The following RHOH variants were observed in gnomAD, a reference collection of about 807,000 sequenced individuals.
RHOH encodes ras homolog family member H, also known as rho-related GTP-binding protein RhoH.
RHOH carries 6 observed loss-of-function variants against 13.8 expected under a neutral mutation model. The observed-to-expected ratio is 0.44, with a 90% CI of 0.24 to 0.86. The LOEUF (loss-of-function observed/expected upper bound fraction) is 0.86, where lower values mean the gene tolerates loss of function less well. RHOH is among the 40% of genes least tolerant of loss of function. The pLI is 0.24. For missense variants in RHOH, 147 were observed against 244.5 expected (o/e 0.60, Z 2.66); for synonymous variants, 117 against 103.0 (o/e 1.14, Z -0.82).
chr4:40,216,952 A>G (rs1003305656), intron 1 of RHOH, among the ~76,000 whole-genome samples: 8 of 152,256 alleles, frequency 5.3e-5, no homozygotes, highest in Non-Finnish European at 8.8e-5. Context: ...GTGGAATCCA[A>G]TGATATTATC....
intron 1 of RHOH, among the ~76,000 whole-genome samples, chr4:40,203,656 AC>A (rs1297456849): frequency 6.6e-6 from 1 of 152,170 alleles, no homozygotes; most frequent in Non-Finnish European, 1.5e-5. Context: ...GCCCAGAGGG[AC>A]AAGTTATTTA....
At chr4:40,223,767 GTTTT>G (rs56144023) in intron 1 of RHOH, among the ~76,000 whole-genome samples, 8 of 83,930 alleles carry the variant, frequency 9.5e-5, no homozygotes, top group South Asian at 4.0e-4. Context: ...AACATAACTT[GTTTT>G]TTTTTTTTTT....
intron 1 of RHOH, among the ~76,000 whole-genome samples, chr4:40,239,181 T>C (rs1333748183): frequency 6.6e-6 from 1 of 152,226 alleles, no homozygotes. Context: ...TGTTCCTACT[T>C]TGGCTTCAGT....
chr4:40,207,277 A>AAC (rs1394650259), intron 1 of RHOH, among the ~76,000 whole-genome samples: 1 of 152,210 alleles, frequency 6.6e-6, no homozygotes, highest in African/African-American at 2.4e-5. Flanking sequence ...AAGAAGCATA[A>AAC]ACATTGCTTC....
chr4:40,224,368 A>G (rs928779326), intron 1 of RHOH, among the ~76,000 whole-genome samples: 4 of 152,224 alleles, frequency 2.6e-5, no homozygotes, highest in Non-Finnish European at 4.4e-5. Flanking sequence ...ATTCTTGCAT[A>G]TCTTGACTAC....
rs1162650517 is a variant in RHOH, at chr4:40,243,217, C to T, written c.-170C>T. On this transcript the variant is annotated 5_prime_UTR_variant, in exon 3 of 3. Transcript: ENST00000381799. The surrounding 1 kb of genome is among the most constrained non-coding windows in gnomAD (Gnocchi z 6.2). ...TTGGAGGTTTTCAAAGCAGACGGTGCTTGGATGGGCAGGGAGAAGTAACAT... is the reference window on the plus strand; with the variant it reads ...TTGGAGGTTTTCAAAGCAGACGGTGTTTGGATGGGCAGGGAGAAGTAACAT... 1.9e-6 allele frequency: 1 copy of T among 534,478 alleles called. No homozygotes were observed. Among genetic ancestry groups the T allele is most frequent in the Admixed American group, 3.6e-5 (1 of 27,758 alleles). The allele number at this position is 534,478 out of a possible 1,614,324, so 33.1% of individuals were successfully genotyped here.
chr4:40,226,645 A>G (rs1727286317), intron 1 of RHOH, among the ~76,000 whole-genome samples: 1 of 152,218 alleles, frequency 6.6e-6, no homozygotes, highest in Non-Finnish European at 1.5e-5. Context: ...AACTAAAACT[A>G]AATCACCTCA....
chr4:40,230,248 A>T (rs1727754755), intron 1 of RHOH, among the ~76,000 whole-genome samples: 2 of 152,004 alleles, frequency 1.3e-5, no homozygotes, highest in Middle Eastern at 3.4e-3. Flanking sequence ...CATGTTGGCC[A>T]GGCTGGTCTA....
chr4:40,199,283 C>T (rs759884263), intron 1 of RHOH, among the ~76,000 whole-genome samples: 3 of 152,266 alleles, frequency 2.0e-5, no homozygotes, highest in South Asian at 2.1e-4. Context: ...AAGGACTTGG[C>T]TATTGCCACA....
chr4:40,200,705 A>G (rs1051481236), intron 1 of RHOH: 2 of 152,200 alleles, frequency 1.3e-5, no homozygotes, highest in Admixed American at 6.5e-5. Context: ...TGGGTCCAGG[A>G]TATGAGGATG....
intron 1 of RHOH, among the ~76,000 whole-genome samples, chr4:40,217,870 C>T (rs764222647): frequency 2.6e-5 from 4 of 152,168 alleles, no homozygotes; most frequent in African/African-American, 4.8e-5. Context: ...GTGTGCTACT[C>T]GAGTGGCGTC....
At chr4:40,210,141 G>T (rs1225202847) in intron 1 of RHOH, among the ~76,000 whole-genome samples, 2 of 147,040 alleles carry the variant, frequency 1.4e-5, no homozygotes, top group Admixed American at 1.4e-4. Flanking sequence ...TTTCTTTCCG[G>T]CTTGGTTTAA....
intron 1 of RHOH, among the ~76,000 whole-genome samples, chr4:40,231,823 A>G (rs545549048): frequency 1.2e-4 from 19 of 152,268 alleles, no homozygotes; most frequent in Non-Finnish European, 2.4e-4. Flanking sequence ...TGAGCTTCCT[A>G]CAGCCCAGCT....
Position 40,210,432 on chromosome 4 carries a change from G to T in RHOH, c.-331+13132G>T, listed in dbSNP as rs559621356. Among the ~76,000 whole-genome samples, 4 of 152,260 alleles carry T rather than the reference G, an allele frequency of 2.6e-5. No individual in the cohort carries two copies. In the East Asian group the frequency reaches 7.7e-4, roughly 29 times the overall value. On this transcript the variant is annotated intron_variant, in intron 1 of 2. Coordinates refer to ENST00000381799, the MANE Select transcript of RHOH (RefSeq NM_004310.5). Reference sequence around the variant, plus strand: ...TCTAGCCATGTACTCCATTCAAGACGCACGGGAAGGTTGGGGTGGAAAGGA... The same window carrying T: ...TCTAGCCATGTACTCCATTCAAGACTCACGGGAAGGTTGGGGTGGAAAGGA...
At chr4:40,223,780 T>TTC (rs1726890644) in intron 1 of RHOH, among the ~76,000 whole-genome samples, 1 of 144,370 alleles carries the variant, frequency 6.9e-6, no homozygotes, top group African/African-American at 2.6e-5. Context: ...TTTTTTTTTT[T>TTC]TTTTTTTTTG....
intron 1 of RHOH, among the ~76,000 whole-genome samples, chr4:40,204,984 C>T (rs981121202): frequency 3.3e-5 from 5 of 151,914 alleles, no homozygotes; most frequent in African/African-American, 1.2e-4. Flanking sequence ...CAGGCAGGGC[C>T]GGGCGAGGTG....
At chr4:40,229,868 C>T (rs1332903586) in intron 1 of RHOH, among the ~76,000 whole-genome samples, 1 of 152,070 alleles carries the variant, frequency 6.6e-6, no homozygotes, top group South Asian at 2.1e-4. Flanking sequence ...TGATTTTCCT[C>T]ATCAATACAT....
In RHOH at chr4:40,243,027, GA is replaced by G. The variant is rs1729442671; in HGVS notation, c.-209-150del. ...GAAGACAGATCTAAGCTCTCCCTGTGAGGGGAAGAGTGGATTGCACAAGCGG... is the reference window on the plus strand; with the variant it reads ...GAAGACAGATCTAAGCTCTCCCTGTGGGGGAAGAGTGGATTGCACAAGCGG... On this transcript the variant is annotated intron_variant, in intron 2 of 2. Transcript: ENST00000381799. This position sits in a 1 kb window ranked among gnomAD's most constrained non-coding sequence, Gnocchi z 6.2. 1 of 224,812 alleles carries G rather than the reference GA, an allele frequency of 4.4e-6. No homozygotes were observed. The highest frequency in any genetic ancestry group is 7.8e-5 in the East Asian group (1 of 12,892). The allele number at this position is 224,812 out of a possible 1,614,324, so 13.9% of individuals were successfully genotyped here.
chr4:40,194,591 G>C (rs533732656), upstream of RHOH, among the ~76,000 whole-genome samples: 4 of 152,280 alleles, frequency 2.6e-5, no homozygotes, highest in African/African-American at 9.6e-5. Flanking sequence ...GCTCAGGCTG[G>C]TCTTGGACTC....
Sources: allele counts gnomAD v4.1 joint callset (sites outside exome capture counted in the v4.1 genomes callset), GRCh38; gene constraint gnomAD v4.1.1; non-coding constraint Gnocchi (gnomAD v3.1); transcripts MANE v1.5; gene names NCBI Gene and HGNC (gene_info 2026-07-23, HGNC 2026-07-21).